CFAP299: variants seen among roughly 807,000 people sequenced by gnomAD.
The protein encoded by CFAP299 is cilia- and flagella-associated protein 299.
A neutral mutation model predicts 27.0 loss-of-function variants in CFAP299; 21 were observed. The observed-to-expected ratio is 0.78, with a 90% CI of 0.55 to 1.12. CFAP299 has a LOEUF of 1.12. CFAP299 is among the 50% of genes most tolerant of loss of function. The pLI, the probability that CFAP299 is intolerant of heterozygous loss-of-function variation, is 0.00. For missense variants in CFAP299, 310 were observed against 276.6 expected (o/e 1.12, Z -0.86); for synonymous variants, 104 against 98.1 (o/e 1.06, Z -0.36).
chr4:80,672,232 G>C (rs751627312), intron 3 of CFAP299, among the ~76,000 whole-genome samples: 2 of 152,014 alleles, frequency 1.3e-5, no homozygotes, highest in Non-Finnish European at 2.9e-5. Context: ...GAATTTTATC[G>C]AAGGTCTTTT....
In CFAP299 at chr4:80,909,312, G is replaced by C. The variant is rs555533452; in HGVS notation, c.477-35498G>C. 7.2e-5 allele frequency among the ~76,000 whole-genome samples: 11 copies of C among 152,054 alleles called. No homozygotes were observed. The East Asian group carries it at 2.1e-3, about 29-fold the overall frequency. The stretch of plus-strand genomic sequence containing the variant: ...AGTCTTTTCCAGAAGAGTTTATTCA[G>C]AGATCTTTTACAAGACTTAAGTTTC... On this transcript the variant is annotated intron_variant, in intron 4 of 5. Transcript: ENST00000358105.
chr4:80,688,831 T>C (rs1300360203), intron 3 of CFAP299, among the ~76,000 whole-genome samples: 3 of 151,416 alleles, frequency 2.0e-5, no homozygotes, highest in African/African-American at 4.9e-5. Context: ...GAATAACCAA[T>C]ACAGAGAAGT....
chr4:80,387,423 A>G, intron 2 of CFAP299: 2 of 915,792 alleles, frequency 2.2e-6, no homozygotes, highest in Non-Finnish European at 1.8e-6. Flanking sequence ...CAGAACTGGA[A>G]CAAGTAGGAG....
At chr4:80,556,463 A>T (rs550485835) in intron 2 of CFAP299, among the ~76,000 whole-genome samples, 2 of 152,156 alleles carry the variant, frequency 1.3e-5, no homozygotes, top group East Asian at 3.9e-4. Context: ...GAACTTTAGG[A>T]ATCTCATACA....
intron 3 of CFAP299, among the ~76,000 whole-genome samples, chr4:80,851,255 G>A (rs542399740): frequency 6.6e-6 from 1 of 152,232 alleles, no homozygotes; most frequent in African/African-American, 2.4e-5. Flanking sequence ...CCTAAGAAAT[G>A]TATTAATTCC....
chr4:80,351,525 C>G (rs1723014293), intron 1 of CFAP299, among the ~76,000 whole-genome samples: 1 of 151,536 alleles, frequency 6.6e-6, no homozygotes, highest in Non-Finnish European at 1.5e-5. Flanking sequence ...AAATAAGAAA[C>G]AAAAAATAGA....
intron 3 of CFAP299, among the ~76,000 whole-genome samples, chr4:80,828,473 T>C (rs1239057667): frequency 1.3e-5 from 2 of 152,094 alleles, no homozygotes; most frequent in Non-Finnish European, 2.9e-5. Context: ...TGCATTGAAT[T>C]GTAATCCCCA....
chr4:80,335,273 T>C (rs1722076864), upstream of CFAP299, among the ~76,000 whole-genome samples: 1 of 152,204 alleles, frequency 6.6e-6, no homozygotes. Context: ...TACACAAACA[T>C]TAGCAATAAT....
intron 2 of CFAP299, among the ~76,000 whole-genome samples, chr4:80,577,731 T>C (rs984833546): frequency 3.3e-5 from 5 of 152,146 alleles, no homozygotes; most frequent in African/African-American, 9.7e-5. Context: ...AATCAAACTT[T>C]GTTTGTTAGA....
chr4:80,351,089 C>T (rs116673923), intron 1 of CFAP299, among the ~76,000 whole-genome samples: 3,223 of 152,036 alleles, frequency 0.021, 69 homozygotes, highest in Admixed American at 0.069. Context: ...TATTTTCCAG[C>T]CAGGATAATT....
chr4:80,460,230 T>C (rs1477350879), intron 2 of CFAP299, among the ~76,000 whole-genome samples: 1 of 152,110 alleles, frequency 6.6e-6, no homozygotes, highest in Non-Finnish European at 1.5e-5. Flanking sequence ...ATCTTTCCTA[T>C]ATCTGGACAC....
chr4:80,591,455 A>G (rs973524183), intron 3 of CFAP299, among the ~76,000 whole-genome samples: 4 of 152,274 alleles, frequency 2.6e-5, no homozygotes, highest in Non-Finnish European at 4.4e-5. Flanking sequence ...ACAAACAAAC[A>G]AAAATCATGC....
At chr4:80,873,569 C>A (rs1281664468) in intron 4 of CFAP299, among the ~76,000 whole-genome samples, 1 of 152,152 alleles carries the variant, frequency 6.6e-6, no homozygotes, top group Non-Finnish European at 1.5e-5. Context: ...ATTATTCTTA[C>A]CATCAGAGAG....
At chr4:80,388,360 T>C in intron 2 of CFAP299, 1 of 680,420 alleles carries the variant, frequency 1.5e-6, no homozygotes, top group Non-Finnish European at 2.7e-6. Context: ...CTGTGATGTA[T>C]GTAGAGATCT....
intron 1 of CFAP299, among the ~76,000 whole-genome samples, chr4:80,341,163 G>T (rs1402657512): frequency 1.3e-5 from 2 of 152,200 alleles, no homozygotes; most frequent in Non-Finnish European, 2.9e-5. Context: ...TCCAGCCAGG[G>T]TTATACAGAC....
At chr4:80,926,310 G>A (rs912096627) in intron 4 of CFAP299, among the ~76,000 whole-genome samples, 3 of 151,816 alleles carry the variant, frequency 2.0e-5, no homozygotes, top group Non-Finnish European at 4.4e-5. Context: ...GAAAGCCATC[G>A]ATGTTAGGAA....
chr4:80,841,533 C>T (rs1730861936), intron 3 of CFAP299, among the ~76,000 whole-genome samples: 1 of 151,902 alleles, frequency 6.6e-6, no homozygotes, highest in African/African-American at 2.4e-5. Flanking sequence ...TTTTTAGAAA[C>T]CAAATAAATA....
At chr4:80,526,445 A>G (rs1215387281) in intron 2 of CFAP299, among the ~76,000 whole-genome samples, 1 of 152,170 alleles carries the variant, frequency 6.6e-6, no homozygotes, top group Non-Finnish European at 1.5e-5. Flanking sequence ...ATAAACCTCT[A>G]GAGACTAGAG....
intron 3 of CFAP299, among the ~76,000 whole-genome samples, chr4:80,813,364 AAG>A (rs919596739): frequency 1.2e-4 from 18 of 152,096 alleles, no homozygotes; most frequent in African/African-American, 4.3e-4. Flanking sequence ...ACAAAGAAAA[AAG>A]GAATTTTTTC....
Sources: gnomAD v4.1 joint callset for allele counts (sites outside exome capture counted in the v4.1 genomes callset) on GRCh38, gnomAD v4.1.1 for gene constraint, MANE v1.5 for transcripts, NCBI Gene and HGNC (gene_info 2026-07-23, HGNC 2026-07-21) for gene names.